NUS1: variants seen among roughly 807,000 people sequenced by gnomAD.
NUS1 encodes the protein dehydrodolichyl diphosphate synthase complex subunit NUS1.
For synonymous variants in NUS1, 135 were observed against 155.2 expected (o/e 0.87, Z 0.97); for missense variants, 292 against 382.9 (o/e 0.76, Z 1.98).
chr6:117,678,320 T>G (rs1773013125), intron 1 of NUS1, among the ~76,000 whole-genome samples: 2 of 152,206 alleles, frequency 1.3e-5, no homozygotes, highest in Admixed American at 6.5e-5. Context: ...TTCTTGGTTT[T>G]GATTCGTTCA....
chr6:117,676,005 C>G lies in NUS1; in HGVS notation c.335C>G (p.Pro112Arg), dbSNP rs540846579. The change falls in exon 1 of 5, where the codon CCC (proline) becomes CGC (arginine). Residue 112 changes from proline to arginine, a missense_variant. Pro to Arg is a moderately radical substitution (Grantham distance 103). Coordinates refer to ENST00000368494, the MANE Select transcript of NUS1 (RefSeq NM_138459.5). The part of the protein sequence containing the change: ...GLVITEVEQE[P>R]SFSDIASLVV... ...GTGATCACCGAGGTGGAGCAGGAAC[C>G]CAGCTTCTCGGACATCGCGAGCCTC... is the stretch of plus-strand genomic sequence containing the variant. The G allele has an allele frequency of 4.5e-6, 7 of 1,549,646 alleles. No homozygotes were observed. Among genetic ancestry groups the G allele is most frequent in the Non-Finnish European group, 6.1e-6 (7 of 1,146,904 alleles).
rs141752178 is a variant in NUS1 at position 117,698,632 on chromosome 6, C to T, written c.691+4452C>T. Among the ~76,000 whole-genome samples, 873 of 152,116 alleles carry T rather than the reference C, an allele frequency of 5.7e-3. 6 individuals are homozygous for T. The highest frequency in any genetic ancestry group is 0.01 in the Non-Finnish European group (707 of 67,894). On this transcript the variant is annotated intron_variant, in intron 3 of 4. Transcript: ENST00000368494. ...TACCAATTCTACTCAAACTATTCTG[C>T]ACAATAGAAAGGAGGGAATGCTTAC... is the stretch of plus-strand genomic sequence containing the variant.
chr6:117,707,219 A>T lies in NUS1; in HGVS notation c.*204A>T. 1 of 494,666 alleles carries T rather than the reference A, an allele frequency of 2.0e-6. No individual in the cohort carries two copies. Among genetic ancestry groups the T allele is most frequent in the Non-Finnish European group, 3.7e-6 (1 of 270,008 alleles). 30.6% of individuals were successfully genotyped at this position (494,666 alleles called of 1,614,324 possible). ...TGCACACATGTGCACGTTTGTATGT[A>T]TGGAAATAAACTTATAAATGGGGAC... On this transcript the variant is annotated 3_prime_UTR_variant, in exon 5 of 5. Coordinates refer to ENST00000368494, the MANE Select transcript of NUS1 (RefSeq NM_138459.5).
intron 1 of NUS1, among the ~76,000 whole-genome samples, chr6:117,686,727 A>G (rs1773144836): frequency 6.6e-6 from 1 of 152,298 alleles, no homozygotes; most frequent in South Asian, 2.1e-4. Context: ...TAGAAGGGAA[A>G]CAGGATGAAT....
intron 3 of NUS1, among the ~76,000 whole-genome samples, chr6:117,695,271 C>A (rs947808166): frequency 6.2e-5 from 9 of 145,320 alleles, no homozygotes; most frequent in Admixed American, 4.8e-4. Flanking sequence ...ACTCTCCATT[C>A]TTTGTTTCTT....
At chr6:117,693,014 G>A in intron 1 of NUS1, 28 bp from the exon 2 acceptor site, 2 of 1,580,728 alleles carry the variant, frequency 1.3e-6, no homozygotes, top group Non-Finnish European at 1.7e-6. Context: ...ACCTAGTTGT[G>A]TTTTACTTGC....
intron 3 of NUS1, among the ~76,000 whole-genome samples, chr6:117,698,679 T>C (rs1376457066): frequency 2.0e-5 from 3 of 152,106 alleles, no homozygotes; most frequent in Non-Finnish European, 4.4e-5. Flanking sequence ...GTGAAGCTAG[T>C]ATTACCATGT....
chr6:117,686,728 C>T (rs1725746172), intron 1 of NUS1, among the ~76,000 whole-genome samples: 1 of 151,960 alleles, frequency 6.6e-6, no homozygotes. Flanking sequence ...AGAAGGGAAA[C>T]AGGATGAATT....
rs1773561175 is a variant in NUS1 at position 117,710,583 on chromosome 6, A to G, written c.*3568A>G. The G allele has an allele frequency of 6.6e-6, 1 of 152,168 alleles. No individual in the cohort carries two copies. Among genetic ancestry groups the G allele is most frequent in the South Asian group, 2.1e-4 (1 of 4,834 alleles). 9.4% of individuals were successfully genotyped at this position (152,168 alleles called of 1,614,324 possible). A position where few individuals can be genotyped will look rare whatever the true frequency, so the allele number is the denominator to read the frequency against. On this transcript the variant is annotated 3_prime_UTR_variant, in exon 5 of 5. Transcript: ENST00000368494. ...AATTTTTTGTACTATATTTTAAAAA[A>G]TGTATTCTACTGTAACAAGTTAATA...
At chr6:117,706,884 G>GTA (rs761297419) in intron 4 of NUS1, 41 bp from the exon 5 acceptor site, 60 of 1,483,130 alleles carry the variant, frequency 4.0e-5, no homozygotes, top group Non-Finnish European at 5.6e-5. Context: ...ACATTACAGT[G>GTA]TATATCTAAT....
intron 3 of NUS1, among the ~76,000 whole-genome samples, chr6:117,701,572 G>A (rs2114692662): frequency 6.6e-6 from 1 of 152,176 alleles, no homozygotes; most frequent in South Asian, 2.1e-4. Context: ...ATAATATTTT[G>A]CAGTTTCGGG....
rs151114800 is a variant in NUS1 at position 117,706,668 on chromosome 6, G to A, written c.792-257G>A. On this transcript the variant is annotated intron_variant, in intron 4 of 4. Transcript: ENST00000368494. ...GAATAGCTATCTTCAATGAACACTC[G>A]TCAATAAACAGTGAGTGCCACTACC... Among the ~76,000 whole-genome samples the A allele has an allele frequency of 2.9e-3, 444 of 152,146 alleles. 5 individuals carry two copies. The highest frequency in any genetic ancestry group is 0.01 in the African/African-American group (428 of 41,488).
chr6:117,681,936 TA>T (rs1295013972), intron 1 of NUS1, among the ~76,000 whole-genome samples: 1 of 152,112 alleles, frequency 6.6e-6, no homozygotes, highest in African/African-American at 2.4e-5. Flanking sequence ...GGGTTCAAGC[TA>T]TTCTCCTGCC....
At chr6:117,684,320 C>G (rs1032878070) in intron 1 of NUS1, among the ~76,000 whole-genome samples, 2 of 152,218 alleles carry the variant, frequency 1.3e-5, no homozygotes, top group South Asian at 4.1e-4. Flanking sequence ...TTCCAGACTT[C>G]TATATCTAAC....
At position 117,710,377 on chromosome 6, in the gene NUS1, T is replaced by TCTTAAACTGCTCACATTA. The variant is rs1323320692; in HGVS notation, c.*3362_*3363insCTTAAACTGCTCACATTA. ...AATAAAACCCAGGAAACAAGATTAA[T>TCTTAAACTGCTCACATTA]GTGAGCAGTTCTCCAAGATCCTAAC... On this transcript the variant is annotated 3_prime_UTR_variant, in exon 5 of 5. Coordinates refer to ENST00000368494, the MANE Select transcript of NUS1 (RefSeq NM_138459.5). 2.6e-5 allele frequency: 4 copies of TCTTAAACTGCTCACATTA among 152,106 alleles called. No individual in the cohort carries two copies. Among genetic ancestry groups the TCTTAAACTGCTCACATTA allele is most frequent in the Non-Finnish European group, 5.9e-5 (4 of 67,984 alleles). 9.4% of individuals were successfully genotyped at this position (152,106 alleles called of 1,614,324 possible).
intron 1 of NUS1, 31 bp downstream of exon 1, chr6:117,676,116 C>G: frequency 1.3e-6 from 2 of 1,549,962 alleles, no homozygotes; most frequent in Non-Finnish European, 1.7e-6. Context: ...GGGGGGTGGC[C>G]GAGGCGTCTT....
At chr6:117,688,262 G>A (rs1191168678) in intron 1 of NUS1, among the ~76,000 whole-genome samples, 1 of 152,088 alleles carries the variant, frequency 6.6e-6, no homozygotes, top group African/African-American at 2.4e-5. Context: ...ACAGCACAAT[G>A]GCTTGGAGCA....
rs1231790695 is a variant in NUS1, at chr6:117,693,063, C to T, written c.437C>T (p.Ser146Phe). ...AAAGGTATTTTCAAAAGAAATAATT[C>T]CAGATTGATGGATGAAATTTTAAAA... Reference protein sequence around the residue: ...DHQGIFKRNNSRLMDEILKQQ... With the variant: ...DHQGIFKRNNFRLMDEILKQQ... The change falls in exon 2 of 5, where the codon TCC becomes TTC. Residue 146 changes from serine (S) to phenylalanine (F), a missense_variant. Physicochemically the swap from Ser to Phe is radical, Grantham distance 155. Transcript: ENST00000368494. The T allele has an allele frequency of 6.2e-7, 1 of 1,605,146 alleles. No homozygotes were observed. The highest frequency in any genetic ancestry group is 8.5e-7 in the Non-Finnish European group (1 of 1,172,528).
At chr6:117,706,828 T>G in intron 4 of NUS1, 97 bp from the exon 5 acceptor site, 1 of 916,992 alleles carries the variant, frequency 1.1e-6, no homozygotes, top group Admixed American at 1.7e-5. Context: ...ATTTGGTGTA[T>G]TCTATTCTTA....
Sources: gnomAD v4.1 joint callset for allele counts (sites outside exome capture counted in the v4.1 genomes callset) on GRCh38, gnomAD v4.1.1 for gene constraint, MANE v1.5 for transcripts, NCBI Gene and HGNC (gene_info 2026-07-23, HGNC 2026-07-21) for gene names.